The following PTPRN2 variants were observed in gnomAD, a reference collection of about 807,000 sequenced individuals.
PTPRN2 encodes the protein receptor-type tyrosine-protein phosphatase N2.
Under a neutral mutation model 118.8 loss-of-function variants are expected in PTPRN2, and 74 were observed. The observed-to-expected ratio is 0.62, with a 90% CI of 0.52 to 0.76. The LOEUF is 0.76. Among genes scored for constraint, PTPRN2 ranks in the 30% least tolerant of loss-of-function variants. The pLI is 0.00. For missense variants in PTPRN2, 1,481 were observed against 1,394.4 expected (o/e 1.06, Z -0.99); for synonymous variants, 641 against 608.0 (o/e 1.05, Z -0.80).
intron 13 of PTPRN2, among the ~76,000 whole-genome samples, chr7:157,670,240 C>T (rs1424782867): frequency 2.0e-5 from 3 of 152,158 alleles, no homozygotes; most frequent in South Asian, 2.1e-4. Context: ...ACAGAAGGCA[C>T]GTACGGGCTC....
chr7:158,152,363 G>A (rs1387598137), intron 6 of PTPRN2, among the ~76,000 whole-genome samples: 1 of 152,112 alleles, frequency 6.6e-6, no homozygotes, highest in South Asian at 2.1e-4. Flanking sequence ...GGCCTAGTGG[G>A]GCCTGGGAAG....
At position 158,071,384 on chromosome 7, in the gene PTPRN2, C is replaced by CCTG. The variant is rs1554528321; in HGVS notation, c.1723+9913_1723+9914insCAG. Among the ~76,000 whole-genome samples the CCTG allele has an allele frequency of 2.1e-3, 60 of 27,946 alleles. 1 individual carries two copies. The highest frequency in any genetic ancestry group is 5.4e-3 in the East Asian group (4 of 746). 18.3% of individuals were successfully genotyped at this position (27,946 alleles called of 152,430 possible). ...AGGTGCTCATGGTGGTGGAGGTGCT[C>CCTG]GTGGTGGAGGTGCTCGTGGTGGAGT... On this transcript the variant is annotated intron_variant, in intron 11 of 22. Transcript: ENST00000389418.
At chr7:158,499,323 G>T (rs1387143597) in intron 1 of PTPRN2, among the ~76,000 whole-genome samples, 1 of 152,108 alleles carries the variant, frequency 6.6e-6, no homozygotes, top group East Asian at 1.9e-4. Flanking sequence ...TCGTCCGCTG[G>T]GCTGCCCACC....
intron 12 of PTPRN2, chr7:157,864,649 G>A (rs1292655133): frequency 6.6e-6 from 1 of 152,242 alleles, no homozygotes; most frequent in East Asian, 1.9e-4. Context: ...TGTGTGGTAT[G>A]CACCTGTGAG....
chr7:157,827,301 T>A (rs1354057147), intron 12 of PTPRN2, among the ~76,000 whole-genome samples: 3 of 152,138 alleles, frequency 2.0e-5, no homozygotes, highest in African/African-American at 7.2e-5. Flanking sequence ...TATTATCTCA[T>A]TCGATTCCTG....
At position 157,794,715 on chromosome 7, in the gene PTPRN2, C is replaced by A. The variant is rs567279702; in HGVS notation, c.1788+103958G>T. On this transcript the variant is annotated intron_variant, in intron 12 of 22. Coordinates refer to ENST00000389418, the MANE Select transcript of PTPRN2 (RefSeq NM_002847.5). This position sits in a 1 kb window ranked among gnomAD's most constrained non-coding sequence, Gnocchi z 5.2. ...GCAGCTCAAGGAGCCTGAAGACACC[C>A]AGCCTGAAACCACGATAAATGTGTG... 6.6e-6 allele frequency among the ~76,000 whole-genome samples: 1 copy of A among 152,332 alleles called. No individual in the cohort carries two copies. Among genetic ancestry groups the A allele is most frequent in the East Asian group, 1.9e-4 (1 of 5,180 alleles).
At chr7:158,425,236 A>G (rs62479977) in intron 2 of PTPRN2, among the ~76,000 whole-genome samples, 16 of 17,252 alleles carry the variant, frequency 9.3e-4, no homozygotes, top group South Asian at 1.8e-3. Flanking sequence ...AGCCTAGCTG[A>G]GGCCTGCGCA....
At chr7:157,682,330 C>T (rs940583024) in intron 13 of PTPRN2, among the ~76,000 whole-genome samples, 7 of 152,194 alleles carry the variant, frequency 4.6e-5, no homozygotes, top group Admixed American at 1.3e-4. Flanking sequence ...ACAGAAGACC[C>T]CGAGGAAGCC....
chr7:158,222,858 T>C (rs889937601), intron 3 of PTPRN2, among the ~76,000 whole-genome samples: 2 of 147,978 alleles, frequency 1.4e-5, no homozygotes, highest in African/African-American at 2.5e-5. Context: ...GTAATTTAAG[T>C]GAGAAAAAAA....
In PTPRN2 at chr7:157,671,681, C is replaced by A. The variant is rs1213877215; in HGVS notation, c.2001+11044G>T. On this transcript the variant is annotated intron_variant, in intron 13 of 22. Transcript: ENST00000389418. The surrounding 1 kb of genome is among the most constrained non-coding windows in gnomAD (Gnocchi z 4.1). ...AGGGGCATGCGGGCTGGGGGCGGAG[C>A]GGCTACTGGAGCAGCTGCTTCTCCA... Among the ~76,000 whole-genome samples, 1 of 152,224 alleles carries A rather than the reference C, an allele frequency of 6.6e-6. No individual in the cohort carries two copies. The highest frequency in any genetic ancestry group is 2.4e-5 in the African/African-American group (1 of 41,550).
chr7:158,096,347 T>G (rs1814625398), intron 10 of PTPRN2, among the ~76,000 whole-genome samples: 1 of 152,332 alleles, frequency 6.6e-6, no homozygotes, highest in Non-Finnish European at 1.5e-5. Flanking sequence ...GTGGGGAAAC[T>G]GAGGCTCAGG....
rs192070556 is a variant in PTPRN2, at chr7:158,511,666, C to T, written c.113-21881G>A. Among the ~76,000 whole-genome samples the T allele has an allele frequency of 9.1e-4, 138 of 152,300 alleles. 1 individual carries two copies. The highest frequency in any genetic ancestry group is 3.6e-3 in the Admixed American group (55 of 15,294). On this transcript the variant is annotated intron_variant, in intron 1 of 22. Transcript: ENST00000389418. ...CACACATCAGCTTCACCCATGTTTC[C>T]GGCTAAGCGTCATGTCCCCGCACAC...
intron 11 of PTPRN2, among the ~76,000 whole-genome samples, chr7:157,923,611 T>C (rs1374614556): frequency 6.6e-6 from 1 of 152,136 alleles, no homozygotes; most frequent in Non-Finnish European, 1.5e-5. Context: ...TGTCAGACCA[T>C]TGATGGCTTC....
chr7:157,982,759 T>G (rs1585135376), intron 11 of PTPRN2, among the ~76,000 whole-genome samples: 1 of 64,244 alleles, frequency 1.6e-5, no homozygotes, highest in Non-Finnish European at 2.8e-5. Context: ...GAATGCAGAG[T>G]GCAGGGTCCC....
intron 11 of PTPRN2, among the ~76,000 whole-genome samples, chr7:158,025,905 G>A (rs796553144): frequency 2.0e-5 from 3 of 152,166 alleles, no homozygotes; most frequent in South Asian, 4.1e-4. Context: ...TCTATTGTCC[G>A]GGTCTTATTT....
At chr7:158,074,264 C>T (rs1812175871) in intron 11 of PTPRN2, among the ~76,000 whole-genome samples, 1 of 152,204 alleles carries the variant, frequency 6.6e-6, no homozygotes, top group Non-Finnish European at 1.5e-5. Flanking sequence ...CAGCCTCCTG[C>T]CGACGATCCC....
chr7:158,316,744 G>C, intron 3 of PTPRN2, 75 bp downstream of exon 3: 1 of 1,126,170 alleles, frequency 8.9e-7, no homozygotes, highest in South Asian at 1.5e-5. Context: ...GCTCCTCACC[G>C]CCCAGGAGGA....
At chr7:157,918,886 G>A (rs1297976891) in intron 11 of PTPRN2, among the ~76,000 whole-genome samples, 13 of 152,230 alleles carry the variant, frequency 8.5e-5, no homozygotes, top group African/African-American at 1.7e-4. Flanking sequence ...CACCAGCCAC[G>A]TTCCGGGGCT....
chr7:158,186,663 C>T (rs961397787), intron 5 of PTPRN2, among the ~76,000 whole-genome samples: 6 of 145,140 alleles, frequency 4.1e-5, no homozygotes, highest in Non-Finnish European at 6.0e-5. Context: ...CTGGCATGAG[C>T]GCGCCTGGGC....
Sources: allele counts gnomAD v4.1 joint callset (sites outside exome capture counted in the v4.1 genomes callset), GRCh38; gene constraint gnomAD v4.1.1; non-coding constraint Gnocchi (gnomAD v3.1); transcripts MANE v1.5; gene names NCBI Gene and HGNC (gene_info 2026-07-23, HGNC 2026-07-21).